Variants in FAT3 observed in about 807,000 individuals in gnomAD.
FAT3 encodes protocadherin Fat 3.
A neutral mutation model predicts 310.2 loss-of-function variants in FAT3; 95 were observed. The ratio of observed to expected loss-of-function variants is 0.31; its 90% confidence interval spans 0.26 to 0.36. The LOEUF (loss-of-function observed/expected upper bound fraction) is 0.36, where lower values mean the gene tolerates loss of function less well. FAT3 is among the 10% of genes least tolerant of loss of function. The pLI is 1.00. For missense variants in FAT3, 5,408 were observed against 5,715.6 expected (o/e 0.95, Z 1.74); for synonymous variants, 2,314 against 2,192.9 (o/e 1.06, Z -1.54).
rs1284382675 is a variant in FAT3, at chr11:92,799,048, A to G, written c.6035A>G (p.Asn2012Ser). 6.2e-7 allele frequency: 1 copy of G among 1,613,852 alleles called. No homozygotes were observed. Among genetic ancestry groups the G allele is most frequent in the African/African-American group, 1.3e-5 (1 of 74,928 alleles). The change falls in exon 10 of 28, where the codon AAT becomes AGT. Residue 2012 changes from asparagine (N) to serine (S), a missense_variant. Asn to Ser is a conservative substitution (Grantham distance 46). Around this residue, in one of 5 missense-constraint regions of FAT3, gnomAD observed 4,588 missense variants for 4,809.8 expected, o/e 0.95. Transcript: ENST00000525166. ...GTCAATGCAGTTGGAAATCGCCTTA[A>G]TGAGCCCTTAAAATACAGCATCTTA... The part of the protein sequence containing the change: ...AIVNAVGNRL[N>S]EPLKYSILNP...
At chr11:92,439,060 A>G (rs1368557589) in intron 2 of FAT3, among the ~76,000 whole-genome samples, 3 of 152,244 alleles carry the variant, frequency 2.0e-5, no homozygotes, top group Non-Finnish European at 2.9e-5. Flanking sequence ...CAGATCACTG[A>G]CTATGGGAGA....
At chr11:92,737,244 G>C (rs951567224) in intron 4 of FAT3, among the ~76,000 whole-genome samples, 2 of 152,144 alleles carry the variant, frequency 1.3e-5, no homozygotes, top group Non-Finnish European at 2.9e-5. Flanking sequence ...TGATTACACT[G>C]TGTGACGGAG....
rs186397923 is a variant in FAT3 at position 92,256,267 on chromosome 11, C to T, written c.-18+31093C>T. Among the ~76,000 whole-genome samples the T allele has an allele frequency of 4.0e-5, 6 of 151,426 alleles. No homozygotes were observed. The East Asian group carries it at 1.2e-3, about 30-fold the overall frequency. On this transcript the variant is annotated intron_variant, in intron 1 of 27. Transcript: ENST00000525166. ...CAAATGGGTGTCCAGAGAAGATCGC[C>T]CTTAAACGAGTATACACTATTTAAT...
chr11:92,883,490 T>A lies in FAT3; in HGVS notation c.12937+97T>A, dbSNP rs969616849. 3 of 1,424,618 alleles carry A rather than the reference T, an allele frequency of 2.1e-6. No individual in the cohort carries two copies. Among genetic ancestry groups the A allele is most frequent in the Non-Finnish European group, 2.8e-6 (3 of 1,062,946 alleles). 88.2% of individuals were successfully genotyped at this position (1,424,618 alleles called of 1,614,324 possible). A position where few individuals can be genotyped will look rare whatever the true frequency, so the allele number is the denominator to read the frequency against. ...TACGGGAAGGGAGAGAGACCCCGCA[T>A]GCAGAGCATTCGCTATGACATGTGC... On this transcript the variant is annotated intron_variant, in intron 24 of 27. Coordinates refer to ENST00000525166, the MANE Select transcript of FAT3 (RefSeq NM_001367949.2). The surrounding 1 kb of genome is among the most constrained non-coding windows in gnomAD (Gnocchi z 4.2).
intron 3 of FAT3, among the ~76,000 whole-genome samples, chr11:92,626,831 C>T (rs532047951): frequency 3.9e-5 from 6 of 152,290 alleles, no homozygotes; most frequent in African/African-American, 1.4e-4. Flanking sequence ...ATTAAGCTTG[C>T]TTATTCCACT....
At chr11:92,350,612 T>C (rs2134623453) in intron 1 of FAT3, among the ~76,000 whole-genome samples, 1 of 152,296 alleles carries the variant, frequency 6.6e-6, no homozygotes, top group South Asian at 2.1e-4. Flanking sequence ...GATTAAGGTC[T>C]GAGATCCTGC....
chr11:92,264,872 CAT>C (rs1427378469), intron 1 of FAT3, among the ~76,000 whole-genome samples: 1 of 152,062 alleles, frequency 6.6e-6, no homozygotes, highest in African/African-American at 2.4e-5. Context: ...CAAAGAATAA[CAT>C]GTATTTATTT....
intron 2 of FAT3, among the ~76,000 whole-genome samples, chr11:92,379,891 A>G (rs1308252655): frequency 1.3e-5 from 2 of 152,198 alleles, no homozygotes; most frequent in Non-Finnish European, 2.9e-5. Context: ...ATCAGGCCAT[A>G]GTCTGGAAGA....
intron 3 of FAT3, among the ~76,000 whole-genome samples, chr11:92,631,766 T>A (rs1282552045): frequency 6.6e-6 from 1 of 152,104 alleles, no homozygotes; most frequent in Non-Finnish European, 1.5e-5. Flanking sequence ...AAACCTATAA[T>A]TCTTTTTTTC....
intron 2 of FAT3, among the ~76,000 whole-genome samples, chr11:92,494,431 A>G (rs999490984): frequency 1.3e-5 from 2 of 152,030 alleles, no homozygotes; most frequent in East Asian, 1.9e-4. Flanking sequence ...AGTGAATTTC[A>G]TGTTGTCTCC....
Position 92,798,029 on chromosome 11 carries a change from T to G in FAT3, c.5016T>G (p.Ile1672Met), listed in dbSNP as rs1340939703. ...CTGACAATTCTCACCCCAAGTTCATTCACAAAGACTACCAAGCAGAAGTAA... is the reference window on the plus strand; with the variant it reads ...CTGACAATTCTCACCCCAAGTTCATGCACAAAGACTACCAAGCAGAAGTAA... ...TMSDNSHPKF[I>M]HKDYQAEVNE... Residue 1672 changes from isoleucine to methionine, a missense_variant, in exon 10 of 28, where the codon ATT becomes ATG. By Grantham distance (10) the Ile-to-Met change is conservative. Around this residue, in one of 5 missense-constraint regions of FAT3, gnomAD observed 4,588 missense variants for 4,809.8 expected, o/e 0.95. Transcript: ENST00000525166. 6.2e-7 allele frequency: 1 copy of G among 1,613,706 alleles called. No individual in the cohort carries two copies. Among genetic ancestry groups the G allele is most frequent in the Admixed American group, 1.7e-5 (1 of 59,986 alleles).
chr11:92,464,328 C>G (rs1433223942), intron 2 of FAT3, among the ~76,000 whole-genome samples: 1 of 152,222 alleles, frequency 6.6e-6, no homozygotes, highest in Non-Finnish European at 1.5e-5. Flanking sequence ...TGGGGGCCCA[C>G]AGAGTAAGTT....
intron 2 of FAT3, among the ~76,000 whole-genome samples, chr11:92,388,870 G>C (rs774130800): frequency 6.6e-6 from 1 of 152,224 alleles, no homozygotes; most frequent in Non-Finnish European, 1.5e-5. Flanking sequence ...CCAGATGGCA[G>C]ACTTGTTGAA....
At chr11:92,300,881 T>C (rs1386566049) in intron 1 of FAT3, among the ~76,000 whole-genome samples, 1 of 152,182 alleles carries the variant, frequency 6.6e-6, no homozygotes, top group Non-Finnish European at 1.5e-5. Flanking sequence ...AAATGAGCTC[T>C]TCAAAGTTTT....
chr11:92,624,586 G>C (rs969487514), intron 3 of FAT3, among the ~76,000 whole-genome samples: 17 of 152,120 alleles, frequency 1.1e-4, no homozygotes, highest in African/African-American at 4.1e-4. Context: ...AGGCAATGGT[G>C]GCCTGAATTA....
intron 2 of FAT3, among the ~76,000 whole-genome samples, chr11:92,499,322 C>T (rs1952859787): frequency 6.6e-6 from 1 of 152,040 alleles, no homozygotes; most frequent in Non-Finnish European, 1.5e-5. Flanking sequence ...GCCCAATTGT[C>T]TAAGTTCATT....
intron 1 of FAT3, among the ~76,000 whole-genome samples, chr11:92,257,378 G>A (rs994004100): frequency 6.6e-6 from 1 of 152,078 alleles, no homozygotes; most frequent in African/African-American, 2.4e-5. Context: ...TAGCTGTGGG[G>A]GAGATGACTT....
At chr11:92,340,705 G>T (rs1236793825) in intron 1 of FAT3, among the ~76,000 whole-genome samples, 3 of 152,190 alleles carry the variant, frequency 2.0e-5, no homozygotes, top group Admixed American at 6.5e-5. Flanking sequence ...TTGACCTGTT[G>T]TTAGGAATAT....
chr11:92,604,969 TA>T (rs1449596448), intron 3 of FAT3, among the ~76,000 whole-genome samples: 1 of 152,224 alleles, frequency 6.6e-6, no homozygotes, highest in Non-Finnish European at 1.5e-5. Flanking sequence ...CTTATGAAGA[TA>T]AAAACAAGAT....
Sources: gnomAD v4.1 joint callset for allele counts (sites outside exome capture counted in the v4.1 genomes callset) on GRCh38, gnomAD v4.1.1 for gene constraint, gnomAD v4.1.1 regional missense constraint, Gnocchi (gnomAD v3.1) non-coding constraint, MANE v1.5 for transcripts, NCBI Gene and HGNC (gene_info 2026-07-23, HGNC 2026-07-21) for gene names.